Variants in NALF1 observed in about 807,000 individuals in gnomAD.
The protein encoded by NALF1 is NALCN channel auxiliary factor 1, also known as family with sequence similarity 155 member A.
Under a neutral mutation model 48.4 loss-of-function variants are expected in NALF1, and 3 were observed. The observed-to-expected ratio is 0.06, with a 90% CI of 0.03 to 0.16. The LOEUF is 0.16. Ranked by LOEUF, NALF1 falls within the 10% of genes least tolerant of loss-of-function variation. NALF1 has a pLI of 1.00. For synonymous variants in NALF1, 262 were observed against 245.7 expected, an observed-to-expected ratio of 1.07 and a Z score of -0.62; for missense variants, 526 against 571.5, an observed-to-expected ratio of 0.92 and a Z score of 0.81.
At chr13:107,516,498 T>C (rs919808868) in intron 1 of NALF1, among the ~76,000 whole-genome samples, 1 of 152,296 alleles carries the variant, frequency 6.6e-6, no homozygotes, top group African/African-American at 2.4e-5. Flanking sequence ...GTTTAAAATG[T>C]TTTTCAGCTT....
At chr13:107,838,269 A>G (rs1879955533) in intron 1 of NALF1, among the ~76,000 whole-genome samples, 1 of 152,152 alleles carries the variant, frequency 6.6e-6, no homozygotes, top group Non-Finnish European at 1.5e-5. Flanking sequence ...ACCCAACTCC[A>G]TCCTATGAAT....
chr13:107,468,573 A>C (rs532467113), intron 1 of NALF1, among the ~76,000 whole-genome samples: 1 of 152,238 alleles, frequency 6.6e-6, no homozygotes, highest in Admixed American at 6.5e-5. Context: ...ATAGTAAGTA[A>C]ATCAATTTCT....
intron 1 of NALF1, among the ~76,000 whole-genome samples, chr13:107,770,186 T>G (rs1877539512): frequency 6.6e-6 from 1 of 152,216 alleles, no homozygotes; most frequent in Non-Finnish European, 1.5e-5. Context: ...GTGCTGGAAT[T>G]ACAGGCGTGA....
intron 2 of NALF1, among the ~76,000 whole-genome samples, chr13:107,208,192 C>T (rs533880553): frequency 2.0e-5 from 3 of 152,172 alleles, no homozygotes; most frequent in Non-Finnish European, 4.4e-5. Context: ...ATTAACCCAA[C>T]TGAAAGTGAC....
intron 1 of NALF1, among the ~76,000 whole-genome samples, chr13:107,580,143 T>C (rs1043779094): frequency 1.4e-4 from 22 of 152,230 alleles, no homozygotes; most frequent in African/African-American, 4.3e-4. Flanking sequence ...TCATGTCCTT[T>C]GTAGGGACAT....
At position 107,866,111 on chromosome 13, in the gene NALF1, G is replaced by A; in HGVS notation, c.486C>T (p.Ala162=). The A allele has an allele frequency of 1.2e-6, 2 of 1,612,800 alleles. No individual in the cohort carries two copies. The highest frequency in any genetic ancestry group is 1.7e-6 in the Non-Finnish European group (2 of 1,179,894). The change falls in exon 1 of 3, where the codon GCC becomes GCT. Residue 162 remains alanine (A), a synonymous_variant. Coordinates refer to ENST00000375915, the MANE Select transcript of NALF1 (RefSeq NM_001080396.3). The surrounding 1 kb of genome is among the most constrained non-coding windows in gnomAD (Gnocchi z 4.4). The part of the protein sequence containing the change: ...RGKALFLGNS[A]KPVWRLETCY... Reference sequence around the variant, plus strand: ...AAGTCTCCAGGCGCCACACGGGCTTGGCAGAGTTTCCTAGAAAAAGAGCCT... The same window carrying A: ...AAGTCTCCAGGCGCCACACGGGCTTAGCAGAGTTTCCTAGAAAAAGAGCCT...
At chr13:107,779,741 A>G (rs867570383) in intron 1 of NALF1, among the ~76,000 whole-genome samples, 2 of 152,304 alleles carry the variant, frequency 1.3e-5, no homozygotes, top group African/African-American at 4.8e-5. Context: ...GAAGTTTCCC[A>G]TTGAATCCCT....
At chr13:107,778,903 T>G (rs1408818442) in intron 1 of NALF1, among the ~76,000 whole-genome samples, 3 of 152,204 alleles carry the variant, frequency 2.0e-5, no homozygotes, top group Non-Finnish European at 4.4e-5. Flanking sequence ...CTATATGTAT[T>G]AACCATAAAC....
intron 2 of NALF1, among the ~76,000 whole-genome samples, chr13:107,173,753 G>A (rs1878853790): frequency 6.6e-6 from 1 of 152,142 alleles, no homozygotes; most frequent in African/African-American, 2.4e-5. Flanking sequence ...CTTAAAGTGT[G>A]TTTATTCTAC....
chr13:107,625,210 C>T (rs1322234085), intron 1 of NALF1, among the ~76,000 whole-genome samples: 1 of 152,042 alleles, frequency 6.6e-6, no homozygotes, highest in Non-Finnish European at 1.5e-5. Context: ...TAGGTAGACA[C>T]AGCACTAGAT....
chr13:107,654,689 C>CAA (rs967848616), intron 1 of NALF1, among the ~76,000 whole-genome samples: 20 of 141,974 alleles, frequency 1.4e-4, no homozygotes, highest in Admixed American at 1.2e-3. Context: ...AAGGACATAA[C>CAA]AAAAAAAAAA....
intron 1 of NALF1, among the ~76,000 whole-genome samples, chr13:107,708,489 T>C (rs1875469291): frequency 6.9e-6 from 1 of 143,970 alleles, no homozygotes; most frequent in African/African-American, 2.5e-5. Flanking sequence ...GTAGGACTAG[T>C]ATATAAATAA....
chr13:107,287,830 C>T (rs890677920), intron 1 of NALF1, among the ~76,000 whole-genome samples: 4 of 151,680 alleles, frequency 2.6e-5, no homozygotes, highest in African/African-American at 9.7e-5. Context: ...CTCAGCCTCC[C>T]GAGTAACTGG....
chr13:107,596,614 T>C (rs1182870108), intron 1 of NALF1, among the ~76,000 whole-genome samples: 2 of 151,916 alleles, frequency 1.3e-5, no homozygotes, highest in African/African-American at 4.8e-5. Context: ...AAGTGGGAGT[T>C]GAACAACGAG....
At chr13:107,252,874 A>G (rs1364025382) in intron 1 of NALF1, among the ~76,000 whole-genome samples, 5 of 152,220 alleles carry the variant, frequency 3.3e-5, no homozygotes, top group African/African-American at 9.6e-5. Context: ...AACATCAGGG[A>G]AGGTATAGTA....
chr13:107,818,205 G>T (rs544963321), intron 1 of NALF1, among the ~76,000 whole-genome samples: 1 of 152,252 alleles, frequency 6.6e-6, no homozygotes, highest in South Asian at 2.1e-4. Flanking sequence ...AGGTAAGCTT[G>T]CTCCCGTTCA....
At chr13:107,835,735 T>C (rs1879870231) in intron 1 of NALF1, among the ~76,000 whole-genome samples, 1 of 152,136 alleles carries the variant, frequency 6.6e-6, no homozygotes. Flanking sequence ...AGTGACAATA[T>C]TAACTCAAAG....
intron 1 of NALF1, among the ~76,000 whole-genome samples, chr13:107,840,321 T>G (rs1880009366): frequency 6.6e-6 from 1 of 152,156 alleles, no homozygotes; most frequent in African/African-American, 2.4e-5. Flanking sequence ...CCAAAAATAG[T>G]GGCTGCAAGC....
At chr13:107,263,283 CACACACACAT>C (rs1341578072) in intron 1 of NALF1, among the ~76,000 whole-genome samples, 1 of 151,498 alleles carries the variant, frequency 6.6e-6, no homozygotes, top group African/African-American at 2.4e-5. Flanking sequence ...CACACACACA[CACACACACAT>C]CTCAGTGGAC....
Sources: allele counts gnomAD v4.1 joint callset (sites outside exome capture counted in the v4.1 genomes callset), GRCh38; gene constraint gnomAD v4.1.1; non-coding constraint Gnocchi (gnomAD v3.1); transcripts MANE v1.5; gene names NCBI Gene and HGNC (gene_info 2026-07-23, HGNC 2026-07-21).